N4BP2L2: variants seen among roughly 807,000 people sequenced by gnomAD.
N4BP2L2 encodes the protein NEDD4 binding protein 2 like 2.
In N4BP2L2, 50 loss-of-function variants were observed where a neutral mutation model predicts 56.2. That is an observed-to-expected ratio of 0.89 (90% confidence interval 0.71 to 1.13). The LOEUF is 1.13. N4BP2L2 is among the 50% of genes most tolerant of loss of function. N4BP2L2 has a pLI of 0.00. For missense variants in N4BP2L2, 689 were observed against 693.8 expected (o/e 0.99, Z 0.08); for synonymous variants, 203 against 223.6 (o/e 0.91, Z 0.82).
At chr13:32,535,983 G>C in exon 2 of N4BP2L2, 3 of 1,613,914 alleles carry the variant, frequency 1.9e-6, no homozygotes, top group Non-Finnish European at 2.5e-6. Flanking sequence ...TTTCCAGAGG[G>C]ATGAACACTA....
At chr13:32,520,620 C>T (rs113625247) in intron 5 of N4BP2L2, among the ~76,000 whole-genome samples, 1,721 of 149,952 alleles carry the variant, frequency 0.011, 45 homozygotes, top group African/African-American at 0.039. Flanking sequence ...GATTGCACCA[C>T]TGCACTCCAG....
intron 4 of N4BP2L2, 157 bp downstream of exon 4, chr13:32,522,025 C>G: frequency 8.6e-6 from 5 of 583,484 alleles, no homozygotes; most frequent in Non-Finnish European, 8.9e-6. Context: ...TAAAAAACAT[C>G]ATTCACAATT....
At chr13:32,459,245 C>G (rs751502020) in intron 6 of N4BP2L2, among the ~76,000 whole-genome samples, 1 of 151,820 alleles carries the variant, frequency 6.6e-6, no homozygotes, top group African/African-American at 2.4e-5. Context: ...AAAGCAAAAA[C>G]AGCCAACCCC....
intron 3 of N4BP2L2, 169 bp downstream of exon 3, chr13:32,527,239 C>T (rs2053279092): frequency 1.2e-5 from 8 of 641,610 alleles, no homozygotes; most frequent in Non-Finnish European, 2.1e-5. Context: ...TCAGGTAGGG[C>T]AAGTATAATT....
At chr13:32,534,869 C>T (rs1337314230) in intron 2 of N4BP2L2, among the ~76,000 whole-genome samples, 1 of 152,144 alleles carries the variant, frequency 6.6e-6, no homozygotes, top group Non-Finnish European at 1.5e-5. Context: ...ATTTGTACTG[C>T]TTTCTTTACA....
chr13:32,488,359 G>A (rs1381946764), intron 6 of N4BP2L2, among the ~76,000 whole-genome samples: 1 of 151,984 alleles, frequency 6.6e-6, no homozygotes, highest in Admixed American at 6.6e-5. Context: ...CTAAACACTG[G>A]GCACACATAG....
At chr13:32,511,701 T>C (rs934497946) in exon 6 of N4BP2L2, 4 of 152,180 alleles carry the variant, frequency 2.6e-5, no homozygotes, top group African/African-American at 9.7e-5. Context: ...ATCTCCCGCT[T>C]TGCCAGACAC....
In N4BP2L2 at chr13:32,533,515, ATTT is replaced by A. The variant is rs766383227; in HGVS notation, c.1259+2251_1259+2253del. Reference sequence around the variant, plus strand: ...CACATACCAAACATAAGCATTACTAATTTTTTTTTTTTTTTTTTTTTTTTGAGA... The same window carrying A: ...CACATACCAAACATAAGCATTACTAATTTTTTTTTTTTTTTTTTTTTGAGA... On this transcript the variant is annotated intron_variant, in intron 2 of 5. Coordinates refer to ENST00000267068, the Ensembl canonical transcript of N4BP2L2. Among the ~76,000 whole-genome samples the A allele has an allele frequency of 1.6e-4, 19 of 122,250 alleles. 1 individual carries two copies. The highest frequency in any genetic ancestry group is 1.2e-3 in the Admixed American group (14 of 11,836). 80.2% of individuals were successfully genotyped at this position (122,250 alleles called of 152,430 possible).
chr13:32,523,129 A>T (rs2051467698), intron 3 of N4BP2L2: 1 of 152,158 alleles, frequency 6.6e-6, no homozygotes, highest in Non-Finnish European at 1.5e-5. Context: ...GGTAGCTCAC[A>T]CCTATAATCC....
At chr13:32,533,964 A>G (rs1388691067) in intron 2 of N4BP2L2, among the ~76,000 whole-genome samples, 1 of 152,224 alleles carries the variant, frequency 6.6e-6, no homozygotes, top group Non-Finnish European at 1.5e-5. Context: ...GTCACGTATA[A>G]GACTACACAA....
Position 32,439,013 on chromosome 13 carries a change from G to A in N4BP2L2, c.2105-276C>T, listed in dbSNP as rs1029303. On this transcript the variant is annotated intron_variant, in intron 7 of 9. Coordinates refer to the N4BP2L2 transcript ENST00000357505. ...CCAATCTAGCCAAACAAATCGCTTCGTAGCCTCTACTTATGGTTTTCTCTT... is the reference window on the plus strand; with the variant it reads ...CCAATCTAGCCAAACAAATCGCTTCATAGCCTCTACTTATGGTTTTCTCTT... 7.8e-3 allele frequency among the ~76,000 whole-genome samples: 1,182 copies of A among 152,318 alleles called. 8 individuals are homozygous for A. Among genetic ancestry groups the A allele is most frequent in the Non-Finnish European group, 0.011 (745 of 68,032 alleles).
chr13:32,435,297 G>A (rs982688686), intron 9 of N4BP2L2, among the ~76,000 whole-genome samples: 6 of 151,996 alleles, frequency 3.9e-5, no homozygotes, highest in African/African-American at 7.3e-5. Flanking sequence ...GCAGTGGGGC[G>A]ATCTCAGCTC....
At chr13:32,480,719 C>T in intron 6 of N4BP2L2, 1 of 759,182 alleles carries the variant, frequency 1.3e-6, no homozygotes, top group African/African-American at 1.8e-5. Flanking sequence ...AAATCCACAA[C>T]TGTGCTACTA....
chr13:32,499,262 A>G (rs2139515644), intron 6 of N4BP2L2, among the ~76,000 whole-genome samples: 1 of 152,294 alleles, frequency 6.6e-6, no homozygotes, highest in South Asian at 2.1e-4. Flanking sequence ...ACAGCTACGC[A>G]TTCATGCAGA....
chr13:32,491,296 G>A (rs1186834451), intron 6 of N4BP2L2, among the ~76,000 whole-genome samples: 1 of 151,978 alleles, frequency 6.6e-6, no homozygotes, highest in Non-Finnish European at 1.5e-5. Flanking sequence ...GAATTACAAA[G>A]GTTCACAGAT....
chr13:32,497,342 T>A (rs1017992309), intron 6 of N4BP2L2, among the ~76,000 whole-genome samples: 1 of 152,236 alleles, frequency 6.6e-6, no homozygotes, highest in South Asian at 2.1e-4. Flanking sequence ...AGTCTACTCA[T>A]CTTTCTTTAC....
intron 6 of N4BP2L2, among the ~76,000 whole-genome samples, chr13:32,498,307 ATTTGG>A (rs1208702009): frequency 6.6e-6 from 1 of 152,028 alleles, no homozygotes; most frequent in Non-Finnish European, 1.5e-5. Flanking sequence ...TTAACAAAAC[ATTTGG>A]TTTGTATTTT....
chr13:32,446,605 T>C (rs1566032692), intron 6 of N4BP2L2: 1 of 1,076,272 alleles, frequency 9.3e-7, no homozygotes, highest in Non-Finnish European at 1.2e-6. Context: ...TGGAGTTTAA[T>C]GCACTTAATG....
chr13:32,527,376 T>C, intron 3 of N4BP2L2, 32 bp downstream of exon 3: 1 of 1,606,210 alleles, frequency 6.2e-7, no homozygotes, highest in African/African-American at 1.3e-5. Context: ...TAGCCAAATA[T>C]TCTATCCTGG....
Sources: gnomAD v4.1 joint callset for allele counts (sites outside exome capture counted in the v4.1 genomes callset) on GRCh38, gnomAD v4.1.1 for gene constraint, MANE v1.5 for transcripts, NCBI Gene and HGNC (gene_info 2026-07-23, HGNC 2026-07-21) for gene names.